The following FBLN2 variants were observed in gnomAD, a reference collection of about 807,000 sequenced individuals.
FBLN2 encodes the protein fibulin-2.
A neutral mutation model predicts 123.7 loss-of-function variants in FBLN2; 81 were observed. The ratio of observed to expected loss-of-function variants is 0.65; its 90% CI spans 0.55 to 0.79. The LOEUF (loss-of-function observed/expected upper bound fraction) is 0.79. Ranked by LOEUF, FBLN2 falls within the 30% of genes least tolerant of loss-of-function variation. The pLI is 0.00. For missense variants in FBLN2, 1,603 were observed against 1,681.3 expected (o/e 0.95, Z 0.81); for synonymous variants, 699 against 701.4 (o/e 1.00, Z 0.05).
rs1444247702 is a variant in FBLN2 at position 13,619,586 on chromosome 3, C to T, written c.2054-144C>T. 1.8e-5 allele frequency: 12 copies of T among 662,682 alleles called. No homozygotes were observed. In the Middle Eastern group the frequency reaches 9.6e-4, roughly 53 times the overall value. The allele number at this position is 662,682 out of a possible 1,614,324, so 41.1% of individuals were successfully genotyped here. On this transcript the variant is annotated intron_variant, in intron 7 of 17. Transcript: ENST00000404922. ...AACCTGTGAAAAGGACCAGGAGTGG[C>T]GTTCCTTGTCTCCCAGCATCCCTGC...
chr3:13,617,134 CCATT>C (rs545753877), intron 5 of FBLN2, among the ~76,000 whole-genome samples: 8,876 of 143,670 alleles, frequency 0.062, 302 homozygotes, highest in Middle Eastern at 0.12. Flanking sequence ...ATTTGCCCAT[CCATT>C]CATCAATCCA....
intron 1 of FBLN2, among the ~76,000 whole-genome samples, chr3:13,564,801 C>G (rs1332001020): frequency 1.3e-5 from 2 of 152,232 alleles, no homozygotes; most frequent in African/African-American, 4.8e-5. Flanking sequence ...GAGGTTTCAT[C>G]TGGGGCCTGC....
In FBLN2 at chr3:13,557,203, C is replaced by T. The variant is rs532213761; in HGVS notation, c.-42+7995C>T. Among the ~76,000 whole-genome samples the T allele has an allele frequency of 4.3e-4, 65 of 152,318 alleles. 2 individuals carry two copies. The Middle Eastern group carries it at 0.02, about 48-fold the overall frequency. Reference sequence around the variant, plus strand: ...GGTCATGCGTTGATGTGGCCCCAGGCGCATGTCTGGAGCCATTCCCTGAGC... The same window carrying T: ...GGTCATGCGTTGATGTGGCCCCAGGTGCATGTCTGGAGCCATTCCCTGAGC... On this transcript the variant is annotated intron_variant, in intron 1 of 17. Coordinates refer to ENST00000404922, the MANE Select transcript of FBLN2 (RefSeq NM_001004019.2).
chr3:13,569,078 C>A, intron 1 of FBLN2: 1 of 985,028 alleles, frequency 1.0e-6, no homozygotes, highest in Non-Finnish European at 1.2e-6. Flanking sequence ...CTATAAGAGT[C>A]AGGTACGGCC....
rs778177560 is a variant in FBLN2 at position 13,621,768 on chromosome 3, C to T, written c.2156-7C>T. ...CCTTCTGTTTTTCCTCCTGCGGCTG[C>T]CACTAGACCAAGACGAGTGCCTGAT... On this transcript the variant is annotated splice_polypyrimidine_tract_variant and splice_region_variant and intron_variant, in intron 8 of 17. Transcript: ENST00000404922. 3 of 1,613,906 alleles carry T rather than the reference C, an allele frequency of 1.9e-6. No homozygotes were observed. The highest frequency in any genetic ancestry group is 1.7e-5 in the Admixed American group (1 of 60,028).
rs549493111 is a variant in FBLN2, at chr3:13,561,472, G to T, written c.-41-8843G>T. Among the ~76,000 whole-genome samples, 5 of 151,748 alleles carry T rather than the reference G, an allele frequency of 3.3e-5. No individual in the cohort carries two copies. The South Asian group carries it at 1.0e-3, about 32-fold the overall frequency. On this transcript the variant is annotated intron_variant, in intron 1 of 17. Coordinates refer to ENST00000404922, the MANE Select transcript of FBLN2 (RefSeq NM_001004019.2). ...TTCTTTGTGCTGCTCACTTCCCAGC[G>T]ACCACTCTCTTCCTCCTTCCCTGCA...
At chr3:13,629,114 G>A (rs985429509) in intron 12 of FBLN2, 50 bp from the exon 13 acceptor site, 1 of 1,612,710 alleles carries the variant, frequency 6.2e-7, no homozygotes, top group Non-Finnish European at 8.5e-7. Context: ...CCTGGGAGGT[G>A]TGTGTGGAGG....
intron 16 of FBLN2, among the ~76,000 whole-genome samples, chr3:13,634,137 C>T (rs1468617091): frequency 1.3e-5 from 2 of 152,224 alleles, no homozygotes; most frequent in African/African-American, 4.8e-5. Context: ...TCAAGTCCTT[C>T]AGAAGCCCTT....
At position 13,627,877 on chromosome 3, in the gene FBLN2, T is replaced by G. The variant is rs749864777; in HGVS notation, c.2477T>G (p.Phe826Cys). ...GGCACGCACACCTGCCAGCCGGGCT[T>G]CTTGTGCCAGAACACCAAGGGCTCC... ...AMGTHTCQPGFLCQNTKGSFY... is the reference protein window; with the variant it reads ...AMGTHTCQPGCLCQNTKGSFY... Residue 826 changes from phenylalanine (F) to cysteine (C), a missense_variant, in exon 11 of 18, where the codon TTC becomes TGC. Physicochemically the swap from Phe to Cys is radical, Grantham distance 205 (BLOSUM62 -2). Coordinates refer to ENST00000404922, the MANE Select transcript of FBLN2 (RefSeq NM_001004019.2). 1.9e-6 allele frequency: 3 copies of G among 1,613,778 alleles called. No individual in the cohort carries two copies. The highest frequency in any genetic ancestry group is 2.5e-6 in the Non-Finnish European group (3 of 1,179,844).
At chr3:13,560,293 C>T (rs1381602051) in intron 1 of FBLN2, among the ~76,000 whole-genome samples, 5 of 152,036 alleles carry the variant, frequency 3.3e-5, no homozygotes, top group African/African-American at 1.2e-4. Flanking sequence ...GGCTGTTCCA[C>T]TTGAAAGATT....
At chr3:13,623,840 T>C (rs1705936221) in intron 9 of FBLN2, among the ~76,000 whole-genome samples, 1 of 152,184 alleles carries the variant, frequency 6.6e-6, no homozygotes, top group South Asian at 2.1e-4. Flanking sequence ...AATTAGTCCA[T>C]TTAAAGAAGT....
rs183123729 is a variant in FBLN2 at position 13,622,007 on chromosome 3, C to T, written c.2296+92C>T. On this transcript the variant is annotated intron_variant, in intron 9 of 17. Coordinates refer to ENST00000404922, the MANE Select transcript of FBLN2 (RefSeq NM_001004019.2). Reference sequence around the variant, plus strand: ...ACACTGTGGCCACATGCCAAAGGGCCTGCCCTTTGCATGTGAGCTCTCAGC... The same window carrying T: ...ACACTGTGGCCACATGCCAAAGGGCTTGCCCTTTGCATGTGAGCTCTCAGC... 1.1e-5 allele frequency: 15 copies of T among 1,418,340 alleles called. No individual in the cohort carries two copies. In the Admixed American group the frequency reaches 1.8e-4, roughly 17 times the overall value. The allele number at this position is 1,418,340 out of a possible 1,614,324, so 87.9% of individuals were successfully genotyped here.
At chr3:13,567,431 C>T (rs892826188) in intron 1 of FBLN2, among the ~76,000 whole-genome samples, 3 of 152,204 alleles carry the variant, frequency 2.0e-5, no homozygotes, top group African/African-American at 7.2e-5. Context: ...GATCTCGGCT[C>T]ACTCCAACCT....
intron 2 of FBLN2, among the ~76,000 whole-genome samples, chr3:13,586,147 C>T (rs1469317868): frequency 1.3e-5 from 2 of 151,982 alleles, no homozygotes; most frequent in African/African-American, 4.8e-5. Flanking sequence ...CTGTGTAGGC[C>T]TAGGCTAGTG....
chr3:13,626,601 C>A, intron 10 of FBLN2, 22 bp downstream of exon 10: 1 of 1,523,574 alleles, frequency 6.6e-7, no homozygotes, highest in Non-Finnish European at 8.9e-7. Flanking sequence ...CCAGAAGGAC[C>A]AACTGGAGGC....
At chr3:13,557,431 A>C (rs968980149) in intron 1 of FBLN2, among the ~76,000 whole-genome samples, 1 of 152,254 alleles carries the variant, frequency 6.6e-6, no homozygotes, top group Non-Finnish European at 1.5e-5. Flanking sequence ...AAGTCATGGA[A>C]CTAAAAAAAT....
At chr3:13,562,093 T>G (rs1703624772) in intron 1 of FBLN2, among the ~76,000 whole-genome samples, 1 of 152,200 alleles carries the variant, frequency 6.6e-6, no homozygotes, top group South Asian at 2.1e-4. Flanking sequence ...AGAGCAAGTT[T>G]ATTTTTCCCA....
intron 2 of FBLN2, among the ~76,000 whole-genome samples, chr3:13,583,187 G>A (rs1001013114): frequency 8.5e-5 from 13 of 152,250 alleles, no homozygotes; most frequent in East Asian, 1.9e-4. Context: ...GTCTGCATGC[G>A]GGGCCCTCTT....
At chr3:13,609,684 C>CGGGGGGGGGG in intron 4 of FBLN2, 42 bp downstream of exon 4, 1 of 196,566 alleles carries the variant, frequency 5.1e-6, no homozygotes, top group Non-Finnish European at 9.5e-6. Context: ...TGGGGTGGGG[C>CGGGGGGGGGG]GGGGCGGGAG....
Sources: allele counts gnomAD v4.1 joint callset (sites outside exome capture counted in the v4.1 genomes callset), GRCh38; gene constraint gnomAD v4.1.1; transcripts MANE v1.5; gene names NCBI Gene and HGNC (gene_info 2026-07-23, HGNC 2026-07-21).